The following FOXP2 variants were observed in gnomAD, a reference collection of about 807,000 sequenced individuals.
FOXP2 encodes forkhead box protein P2.
In FOXP2, 12 loss-of-function variants were observed where a neutral mutation model predicts 115.8. The ratio of observed to expected loss-of-function variants is 0.10; its 90% CI spans 0.07 to 0.17. FOXP2 has a LOEUF of 0.17. Among genes scored for constraint, FOXP2 ranks in the 10% least tolerant of loss-of-function variants. FOXP2 has a pLI of 1.00. For missense variants in FOXP2, 629 were observed against 843.5 expected, an observed-to-expected ratio of 0.75 and a Z score of 3.15; for synonymous variants, 328 against 297.7, an observed-to-expected ratio of 1.10 and a Z score of -1.05.
At chr7:114,220,215 T>C (rs913197364) in intron 1 of FOXP2, among the ~76,000 whole-genome samples, 6 of 151,962 alleles carry the variant, frequency 3.9e-5, no homozygotes, top group African/African-American at 1.5e-4. Context: ...GGCTTAGTTG[T>C]AGTTGTTTCT....
At chr7:114,540,130 G>A (rs897437522) in intron 3 of FOXP2, among the ~76,000 whole-genome samples, 4 of 151,942 alleles carry the variant, frequency 2.6e-5, no homozygotes, top group East Asian at 3.9e-4. Context: ...GCATTTGGCC[G>A]TAATTTGTTA....
chr7:114,546,616 A>C (rs1370219690), intron 3 of FOXP2, among the ~76,000 whole-genome samples: 1 of 152,120 alleles, frequency 6.6e-6, no homozygotes, highest in Non-Finnish European at 1.5e-5. Context: ...TCTGATTGGC[A>C]AACTCCTATA....
intron 2 of FOXP2, among the ~76,000 whole-genome samples, chr7:114,361,640 G>T (rs974973027): frequency 1.3e-5 from 2 of 152,028 alleles, no homozygotes; most frequent in African/African-American, 4.8e-5. Flanking sequence ...ATAGCAATTA[G>T]TGTGTATTCA....
intron 1 of FOXP2, among the ~76,000 whole-genome samples, chr7:114,119,807 G>A (rs543464622): frequency 1.9e-4 from 29 of 151,990 alleles, no homozygotes; most frequent in Admixed American, 1.2e-3. Flanking sequence ...ATCTTTATCG[G>A]AGCTTTTAAA....
intron 3 of FOXP2, among the ~76,000 whole-genome samples, chr7:114,596,857 G>C (rs1399387589): frequency 2.6e-5 from 4 of 152,068 alleles, no homozygotes; most frequent in Non-Finnish European, 4.4e-5. Context: ...TAGGAGCACA[G>C]TCTTGTCCTG....
intron 2 of FOXP2, among the ~76,000 whole-genome samples, chr7:114,490,967 C>T (rs1163553491): frequency 9.9e-5 from 15 of 152,246 alleles, no homozygotes; most frequent in South Asian, 8.3e-4. Flanking sequence ...AATAAACATA[C>T]GTGTGCATGT....
intron 2 of FOXP2, among the ~76,000 whole-genome samples, chr7:114,447,626 A>T (rs1051250761): frequency 5.3e-5 from 8 of 151,986 alleles, no homozygotes; most frequent in African/African-American, 1.7e-4. Flanking sequence ...TTTTACTCCT[A>T]TCTCCCAGCT....
intron 1 of FOXP2, among the ~76,000 whole-genome samples, chr7:114,195,088 G>A (rs563011630): frequency 2.6e-5 from 4 of 152,178 alleles, no homozygotes; most frequent in African/African-American, 7.2e-5. Flanking sequence ...GTCTGTCCTT[G>A]GGCATTCTAA....
At chr7:114,525,111 A>T (rs1328604530) in intron 2 of FOXP2, among the ~76,000 whole-genome samples, 2 of 152,184 alleles carry the variant, frequency 1.3e-5, no homozygotes, top group East Asian at 3.9e-4. Context: ...GATTTACACT[A>T]TGCTAGACCC....
chr7:114,289,812 AT>A (rs1379784020), intron 2 of FOXP2, among the ~76,000 whole-genome samples: 4 of 151,972 alleles, frequency 2.6e-5, no homozygotes, highest in Admixed American at 6.6e-5. Context: ...TAAATAATGA[AT>A]ATGCATAATG....
chr7:114,087,385 C>T (rs1799441069), upstream of FOXP2, among the ~76,000 whole-genome samples: 1 of 152,280 alleles, frequency 6.6e-6, no homozygotes, highest in African/African-American at 2.4e-5. Flanking sequence ...GGTGTCTGGC[C>T]TGGTTTTACT....
intron 2 of FOXP2, among the ~76,000 whole-genome samples, chr7:114,494,266 T>C (rs1372567536): frequency 4.6e-5 from 7 of 152,316 alleles, no homozygotes; most frequent in South Asian, 2.1e-4. Context: ...TTGAAATTAC[T>C]CCTAAGTTGC....
At chr7:114,087,098 C>A (rs1188388157), upstream of FOXP2, among the ~76,000 whole-genome samples, 1 of 151,242 alleles carries the variant, frequency 6.6e-6, no homozygotes, top group Non-Finnish European at 1.5e-5. Context: ...GTAAAAACAT[C>A]TGGCGGTTAG....
chr7:114,668,781 C>T (rs1001280071), intron 16 of FOXP2: 1 of 152,112 alleles, frequency 6.6e-6, no homozygotes, highest in African/African-American at 2.4e-5. Flanking sequence ...TAAGAAACCC[C>T]TAGCACATTC....
chr7:114,533,483 C>T (rs1253648999), intron 2 of FOXP2, among the ~76,000 whole-genome samples: 1 of 151,918 alleles, frequency 6.6e-6, no homozygotes, highest in East Asian at 1.9e-4. Context: ...GTCATGGATA[C>T]TAGAAACTCT....
chr7:114,350,679 T>A (rs1042776646), intron 2 of FOXP2, among the ~76,000 whole-genome samples: 3 of 152,154 alleles, frequency 2.0e-5, no homozygotes, highest in Non-Finnish European at 4.4e-5. Context: ...TTTGAAGGGA[T>A]CCACAGAAAT....
chr7:114,366,995 T>A (rs2129188554), intron 2 of FOXP2, among the ~76,000 whole-genome samples: 1 of 152,288 alleles, frequency 6.6e-6, no homozygotes, highest in South Asian at 2.1e-4. Context: ...CACTTAACTA[T>A]TTAGATTTTT....
At chr7:114,091,020 T>A (rs900139459) in intron 1 of FOXP2, among the ~76,000 whole-genome samples, 1 of 151,862 alleles carries the variant, frequency 6.6e-6, no homozygotes, top group Non-Finnish European at 1.5e-5. Context: ...TATTATTGAA[T>A]AACAGAAATA....
chr7:114,355,300 T>A (rs1243123816), intron 2 of FOXP2, among the ~76,000 whole-genome samples: 1 of 152,152 alleles, frequency 6.6e-6, no homozygotes, highest in Non-Finnish European at 1.5e-5. Context: ...TGGAATGAGA[T>A]CAAACTTGGC....
Sources: gnomAD v4.1 joint callset for allele counts (sites outside exome capture counted in the v4.1 genomes callset) on GRCh38, gnomAD v4.1.1 for gene constraint, MANE v1.5 for transcripts, NCBI Gene and HGNC (gene_info 2026-07-23, HGNC 2026-07-21) for gene names.